The following INTS4 variants were observed in gnomAD, a reference collection of about 807,000 sequenced individuals.
The protein encoded by INTS4 is integrator complex subunit 4, also known as MSTP093.
In INTS4, 70 loss-of-function variants were observed where a neutral mutation model predicts 119.5. The ratio of observed to expected loss-of-function variants is 0.59; its 90% confidence interval spans 0.48 to 0.71. INTS4 has a LOEUF of 0.71. Ranked by LOEUF, INTS4 falls within the 30% of genes least tolerant of loss-of-function variation. The pLI, the probability that INTS4 is intolerant of heterozygous loss-of-function variation, is 0.00. For synonymous variants in INTS4, 316 were observed against 419.6 expected (o/e 0.75, Z 3.02); for missense variants, 867 against 1,173.2 (o/e 0.74, Z 3.81).
At chr11:77,971,720 T>C (rs1855744105) in intron 4 of INTS4, among the ~76,000 whole-genome samples, 1 of 152,238 alleles carries the variant, frequency 6.6e-6, no homozygotes, top group Admixed American at 6.5e-5. Context: ...TACTGTGGGT[T>C]GTCTTTTCAC....
rs1431196332 is a variant in INTS4 at position 77,994,655 on chromosome 11, G to A, written c.-12C>T. ...AGGTGCGCCGCCATGCCTACCCGCG[G>A]GCCCTCTCAGCTTCCGTACACTAGG... On this transcript the variant is annotated 5_prime_UTR_variant, in exon 1 of 23. Transcript: ENST00000534064. 1.2e-6 allele frequency: 2 copies of A among 1,613,950 alleles called. No homozygotes were observed. Among genetic ancestry groups the A allele is most frequent in the East Asian group, 2.2e-5 (1 of 44,892 alleles).
intron 8 of INTS4, among the ~76,000 whole-genome samples, chr11:77,948,986 T>G (rs1280023541): frequency 1.3e-5 from 2 of 152,164 alleles, no homozygotes; most frequent in African/African-American, 2.4e-5. Flanking sequence ...AATCTGGTTT[T>G]TAGTTTTTTT....
intron 22 of INTS4, among the ~76,000 whole-genome samples, chr11:77,881,525 T>C (rs867245837): frequency 1.1e-4 from 17 of 152,260 alleles, no homozygotes; most frequent in Admixed American, 6.5e-5. Flanking sequence ...GCACTGTCAC[T>C]GATCAGGTAT....
At chr11:77,881,477 T>C (rs1951789016) in intron 22 of INTS4, among the ~76,000 whole-genome samples, 1 of 152,212 alleles carries the variant, frequency 6.6e-6, no homozygotes, top group African/African-American at 2.4e-5. Context: ...GGAAGGGACA[T>C]AGCACAGTGA....
chr11:77,964,618 T>A (rs940476574), intron 4 of INTS4, among the ~76,000 whole-genome samples: 3 of 151,332 alleles, frequency 2.0e-5, no homozygotes, highest in Non-Finnish European at 4.4e-5. Flanking sequence ...TAAAAATTAT[T>A]ATAAAGAGAC....
chr11:77,883,505 A>AATTCTTAT (rs2136359406), intron 22 of INTS4, among the ~76,000 whole-genome samples: 4 of 152,310 alleles, frequency 2.6e-5, no homozygotes, highest in Admixed American at 2.6e-4. Flanking sequence ...GTCTAAGGTG[A>AATTCTTAT]CCAAGCAAGT....
In INTS4 at chr11:77,881,330, G is replaced by A. The variant is rs146193602; in HGVS notation, c.2714-2203C>T. 6.6e-4 allele frequency among the ~76,000 whole-genome samples: 101 copies of A among 152,318 alleles called. No individual in the cohort carries two copies. In the East Asian group the frequency reaches 0.016, roughly 24 times the overall value. ...TGGCAGCATCCTGCCTCCCAGAGGA[G>A]AGGCCCCTCCCTGGTGGGGAGCTAC... On this transcript the variant is annotated intron_variant, in intron 22 of 22. Transcript: ENST00000534064.
rs368963615 is a variant in INTS4 at position 77,932,496 on chromosome 11, T to C, written c.1166-3949A>G. ...AGATGTGGAGAAACAGGAACACTTTTACACTGTTGGTGGGAGTGTAAATTA... is the reference window on the plus strand; with the variant it reads ...AGATGTGGAGAAACAGGAACACTTTCACACTGTTGGTGGGAGTGTAAATTA... On this transcript the variant is annotated intron_variant, in intron 10 of 22. Transcript: ENST00000534064. Among the ~76,000 whole-genome samples, 12 of 152,344 alleles carry C rather than the reference T, an allele frequency of 7.9e-5. No individual in the cohort carries two copies. In the South Asian group the frequency reaches 8.3e-4, roughly 11 times the overall value.
At chr11:77,950,617 G>A (rs188913294) in intron 8 of INTS4, among the ~76,000 whole-genome samples, 949 of 152,258 alleles carry the variant, frequency 6.2e-3, no homozygotes, top group Non-Finnish European at 9.9e-3. Context: ...AATGATAAAT[G>A]TATGAGGTGA....
At chr11:77,888,006 AT>A (rs1258435424) in intron 21 of INTS4, among the ~76,000 whole-genome samples, 1 of 152,220 alleles carries the variant, frequency 6.6e-6, no homozygotes, top group Non-Finnish European at 1.5e-5. Flanking sequence ...GCCCAAGGTA[AT>A]TTATACATTC....
intron 15 of INTS4, among the ~76,000 whole-genome samples, chr11:77,909,712 T>A (rs1953044924): frequency 6.6e-6 from 1 of 152,238 alleles, no homozygotes; most frequent in African/African-American, 2.4e-5. Flanking sequence ...ACTGTAACCA[T>A]ATGAAAACAT....
At chr11:77,876,906 G>T (rs1191389414), downstream of INTS4, 3 of 697,884 alleles carry the variant, frequency 4.3e-6, no homozygotes, top group East Asian at 2.7e-5. Flanking sequence ...ATTACAGCAC[G>T]ATGGGCTCAG....
At chr11:77,928,216 G>A (rs1398788093) in intron 11 of INTS4, 126 bp downstream of exon 11, 7 of 902,794 alleles carry the variant, frequency 7.8e-6, no homozygotes, top group African/African-American at 1.7e-5. Flanking sequence ...TAGGGAAGGG[G>A]TATGGTGAGA....
chr11:77,975,493 C>CAA (rs548063823), intron 4 of INTS4, among the ~76,000 whole-genome samples: 1 of 135,666 alleles, frequency 7.4e-6, no homozygotes. Flanking sequence ...ATCTCAATTA[C>CAA]AAAAAAAAAA....
intron 1 of INTS4, among the ~76,000 whole-genome samples, chr11:77,992,420 G>A (rs1490340262): frequency 6.6e-6 from 1 of 151,722 alleles, no homozygotes; most frequent in Non-Finnish European, 1.5e-5. Flanking sequence ...ACAAATATCC[G>A]ATGGGCGTAG....
intron 4 of INTS4, among the ~76,000 whole-genome samples, chr11:77,971,954 A>C (rs567164180): frequency 1.3e-5 from 2 of 152,306 alleles, no homozygotes; most frequent in African/African-American, 4.8e-5. Flanking sequence ...GTGTGAGGTA[A>C]GTTTCCAACT....
At chr11:77,951,679 A>G (rs552298512) in intron 8 of INTS4, among the ~76,000 whole-genome samples, 2 of 152,222 alleles carry the variant, frequency 1.3e-5, no homozygotes, top group African/African-American at 2.4e-5. Flanking sequence ...TAATTAAACT[A>G]AAGAGCTTGT....
chr11:77,884,064 T>G, intron 21 of INTS4, 112 bp from the exon 22 acceptor site: 1 of 1,090,766 alleles, frequency 9.2e-7, no homozygotes, highest in Non-Finnish European at 1.3e-6. Flanking sequence ...GACACCAACT[T>G]TACTAAGATT....
intron 2 of INTS4, among the ~76,000 whole-genome samples, chr11:77,988,260 A>G (rs1856535724): frequency 6.6e-6 from 1 of 152,252 alleles, no homozygotes; most frequent in Admixed American, 6.5e-5. Flanking sequence ...ATTGCAACGC[A>G]TAAGACTTAA....
Sources: gnomAD v4.1 joint callset for allele counts (sites outside exome capture counted in the v4.1 genomes callset) on GRCh38, gnomAD v4.1.1 for gene constraint, MANE v1.5 for transcripts, NCBI Gene and HGNC (gene_info 2026-07-23, HGNC 2026-07-21) for gene names.